The following SIPA1L2 variants were observed in gnomAD, a reference collection of about 807,000 sequenced individuals.
The protein encoded by SIPA1L2 is signal-induced proliferation-associated 1-like protein 2.
A neutral mutation model predicts 163.9 loss-of-function variants in SIPA1L2; 56 were observed. The observed-to-expected ratio is 0.34, with a 90% CI of 0.28 to 0.43. The LOEUF is 0.43. Ranked by LOEUF, SIPA1L2 falls within the 20% of genes least tolerant of loss-of-function variation. SIPA1L2 has a pLI of 1.00. For synonymous variants in SIPA1L2, 877 were observed against 865.7 expected, an observed-to-expected ratio of 1.01 and a Z score of -0.23; for missense variants, 1,974 against 2,193.5, an observed-to-expected ratio of 0.90 and a Z score of 2.00.
chr1:232,493,043 T>C (rs113779323), intron 4 of SIPA1L2, among the ~76,000 whole-genome samples: 2 of 85,222 alleles, frequency 2.3e-5, no homozygotes, highest in African/African-American at 4.4e-5. Flanking sequence ...ATCACAGAGG[T>C]TGAATTTTCC....
At chr1:232,448,712 G>A (rs558791419) in intron 10 of SIPA1L2, among the ~76,000 whole-genome samples, 19 of 152,170 alleles carry the variant, frequency 1.2e-4, no homozygotes, top group Non-Finnish European at 2.5e-4. Flanking sequence ...AATGGTGCAG[G>A]GACGGTAAGC....
intron 2 of SIPA1L2, among the ~76,000 whole-genome samples, chr1:232,564,983 G>A (rs1220721006): frequency 6.6e-6 from 1 of 152,126 alleles, no homozygotes; most frequent in Non-Finnish European, 1.5e-5. Context: ...GGGTTGATAG[G>A]TGTAGCAAAC....
At chr1:232,571,762 C>T (rs1659742784) in intron 2 of SIPA1L2, among the ~76,000 whole-genome samples, 1 of 152,122 alleles carries the variant, frequency 6.6e-6, no homozygotes, top group South Asian at 2.1e-4. Flanking sequence ...TCTGGGACCT[C>T]CCCCTTCTGT....
intron 15 of SIPA1L2, among the ~76,000 whole-genome samples, chr1:232,434,161 T>G (rs1332774533): frequency 6.6e-6 from 1 of 152,172 alleles, no homozygotes; most frequent in Non-Finnish European, 1.5e-5. Context: ...AATCTTATTC[T>G]GAAACCCCAG....
At chr1:232,533,453 G>A (rs1230769352) in intron 2 of SIPA1L2, among the ~76,000 whole-genome samples, 1 of 152,204 alleles carries the variant, frequency 6.6e-6, no homozygotes, top group Non-Finnish European at 1.5e-5. Flanking sequence ...GCGGGGCAAT[G>A]ATCTCTACAG....
rs1310233842 is a variant in SIPA1L2, at chr1:232,629,914, G to A, written c.-364C>T. ...GAACCTGCTACAGCCTGTGCGCGCC[G>A]GGCGGCGCGTACCCGGGCTGCCGCC... is the stretch of plus-strand genomic sequence containing the variant. On this transcript the variant is annotated 5_prime_UTR_variant, in exon 1 of 23. Transcript: ENST00000674635. Among the ~76,000 whole-genome samples, 3 of 151,076 alleles carry A rather than the reference G, an allele frequency of 2.0e-5. No homozygotes were observed. The highest frequency in any genetic ancestry group is 4.4e-5 in the Non-Finnish European group (3 of 67,520).
chr1:232,606,713 T>C (rs10797583), intron 1 of SIPA1L2, among the ~76,000 whole-genome samples: 113,952 of 150,182 alleles, frequency 0.76, 43,331 homozygotes, highest in East Asian at 0.84. Context: ...TACATATATA[T>C]GTATTTCTTC....
At chr1:232,542,046 TAAAAG>T (rs1657717001) in intron 2 of SIPA1L2, among the ~76,000 whole-genome samples, 2 of 152,212 alleles carry the variant, frequency 1.3e-5, no homozygotes, top group South Asian at 4.2e-4. Flanking sequence ...ATCTGATACA[TAAAAG>T]TATCTCTGAA....
chr1:232,591,901 T>C (rs1660987156), intron 1 of SIPA1L2, among the ~76,000 whole-genome samples: 1 of 152,156 alleles, frequency 6.6e-6, no homozygotes, highest in Admixed American at 6.5e-5. Flanking sequence ...AGACTCTTGC[T>C]TAAAAAAATA....
chr1:232,441,108 G>C (rs1313958524), intron 14 of SIPA1L2, among the ~76,000 whole-genome samples, 183 bp downstream of exon 14: 1 of 152,232 alleles, frequency 6.6e-6, no homozygotes, highest in Non-Finnish European at 1.5e-5. Context: ...CTAATTTGCT[G>C]TGCAACCTTT....
chr1:232,564,445 A>G (rs528717415), intron 2 of SIPA1L2, among the ~76,000 whole-genome samples: 4 of 151,904 alleles, frequency 2.6e-5, no homozygotes, highest in Non-Finnish European at 2.9e-5. Context: ...AAAAACCAGG[A>G]GGGAGGGGGT....
At chr1:232,560,932 T>G (rs1658999400) in intron 2 of SIPA1L2, among the ~76,000 whole-genome samples, 1 of 152,236 alleles carries the variant, frequency 6.6e-6, no homozygotes, top group Non-Finnish European at 1.5e-5. Context: ...TATCCTGAGC[T>G]AGAACTTTAG....
Position 232,611,314 on chromosome 1 carries a change from G to A in SIPA1L2, c.-319+18555C>T, listed in dbSNP as rs187131764. Among the ~76,000 whole-genome samples, 475 of 152,260 alleles carry A rather than the reference G, an allele frequency of 3.1e-3. 1 individual carries two copies. The highest frequency in any genetic ancestry group is 0.017 in the Middle Eastern group (5 of 294). ...TAAATTGGTACCAGTAGAGTGGGGC[G>A]TTGCTGAAAAGACACCTGAAAATGT... is the stretch of plus-strand genomic sequence containing the variant. On this transcript the variant is annotated intron_variant, in intron 1 of 22. Transcript: ENST00000674635.
chr1:232,485,282 C>T (rs1297626374), intron 5 of SIPA1L2, among the ~76,000 whole-genome samples: 3 of 152,182 alleles, frequency 2.0e-5, no homozygotes, highest in Non-Finnish European at 4.4e-5. Flanking sequence ...GCCTTGGGAC[C>T]CTGTCAAGGC....
In SIPA1L2 at chr1:232,481,664, A is replaced by G. The variant is rs796322458; in HGVS notation, c.1982-1934T>C. ...TTCTATTCAAAAAGGGATACAGGCT[A>G]TCAATTTTATCATTCTCTGCACCTA... On this transcript the variant is annotated intron_variant, in intron 6 of 22. Transcript: ENST00000674635. Among the ~76,000 whole-genome samples, 3 of 152,336 alleles carry G rather than the reference A, an allele frequency of 2.0e-5. No individual in the cohort carries two copies. The South Asian group carries it at 6.2e-4, about 32-fold the overall frequency.
At chr1:232,618,397 T>C (rs547496800) in intron 1 of SIPA1L2, among the ~76,000 whole-genome samples, 45 of 152,312 alleles carry the variant, frequency 3.0e-4, no homozygotes, top group Admixed American at 1.4e-3. Flanking sequence ...GGCTCACACC[T>C]GTAATCCCAG....
At chr1:232,518,003 C>G (rs1390057064) in intron 2 of SIPA1L2, among the ~76,000 whole-genome samples, 1 of 152,146 alleles carries the variant, frequency 6.6e-6, no homozygotes, top group Non-Finnish European at 1.5e-5. Flanking sequence ...GCTATGATCG[C>G]ACCACTGCAC....
At position 232,430,950 on chromosome 1, in the gene SIPA1L2, C is replaced by G. The variant is rs577125372; in HGVS notation, c.4256+1297G>C. On this transcript the variant is annotated intron_variant, in intron 16 of 22. Coordinates refer to ENST00000674635, the MANE Select transcript of SIPA1L2 (RefSeq NM_020808.5). ...CAACCTGCGACTCAAGAGACACAAA[C>G]CCCTTTCTCACCTCATTCTGGACAC... 2.1e-3 allele frequency among the ~76,000 whole-genome samples: 315 copies of G among 152,270 alleles called. 1 individual carries two copies. The highest frequency in any genetic ancestry group is 4.8e-3 in the Admixed American group (74 of 15,306).
chr1:232,502,340 G>T (rs1463049741), intron 3 of SIPA1L2, among the ~76,000 whole-genome samples: 1 of 152,082 alleles, frequency 6.6e-6, no homozygotes, highest in Non-Finnish European at 1.5e-5. Flanking sequence ...TTGATTTTGA[G>T]CCCAAAACTC....
Sources: gnomAD v4.1 joint callset for allele counts (sites outside exome capture counted in the v4.1 genomes callset) on GRCh38, gnomAD v4.1.1 for gene constraint, MANE v1.5 for transcripts, NCBI Gene and HGNC (gene_info 2026-07-23, HGNC 2026-07-21) for gene names.